BMP1: variants seen among roughly 807,000 people sequenced by gnomAD.
BMP1 encodes mammalian tolloid protein.
Under a neutral mutation model 116.8 loss-of-function variants are expected in BMP1, and 63 were observed. The ratio of observed to expected loss-of-function variants is 0.54; its 90% confidence interval spans 0.44 to 0.67. The LOEUF is 0.67. Among genes scored for constraint, BMP1 ranks in the 30% least tolerant of loss-of-function variants. BMP1 has a pLI of 0.00. For synonymous variants in BMP1, 536 were observed against 533.4 expected, an observed-to-expected ratio of 1.00 and a Z score of -0.07; for missense variants, 1,183 against 1,358.9, an observed-to-expected ratio of 0.87 and a Z score of 2.04.
At chr8:22,195,420 T>G in intron 12 of BMP1, 42 bp from the exon 13 acceptor site, 7 of 1,568,472 alleles carry the variant, frequency 4.5e-6, no homozygotes, top group Non-Finnish European at 6.0e-6. Flanking sequence ...CTTCTTCCCT[T>G]GAATGCCTGG....
Position 22,194,695 on chromosome 8 carries a change from C to T in BMP1, c.1444-29C>T. ...GGGTGGGTCTCTGGCAGCCAGAGCC[C>T]CTTCCACTGATGAAGCCTCGACCCC... On this transcript the variant is annotated intron_variant, in intron 11 of 19. Coordinates refer to ENST00000306385, the MANE Select transcript of BMP1 (RefSeq NM_006129.5). This position sits in a 1 kb window ranked among gnomAD's most constrained non-coding sequence, Gnocchi z 4.5. 1 of 1,593,074 alleles carries T rather than the reference C, an allele frequency of 6.3e-7. No homozygotes were observed. The highest frequency in any genetic ancestry group is 8.6e-7 in the Non-Finnish European group (1 of 1,168,128).
intron 16 of BMP1, among the ~76,000 whole-genome samples, chr8:22,205,744 C>T: frequency 6.6e-6 from 1 of 152,174 alleles, no homozygotes; most frequent in East Asian, 1.9e-4. Context: ...TACTGTACTC[C>T]AGCCTGGGTA....
Position 22,192,008 on chromosome 8 carries a change from G to C in BMP1, c.1078-41G>C, listed in dbSNP as rs759563496. The C allele has an allele frequency of 9.0e-6, 14 of 1,553,516 alleles. No homozygotes were observed. In the South Asian group the frequency reaches 1.5e-4, roughly 16 times the overall value. On this transcript the variant is annotated intron_variant, in intron 8 of 19. Transcript: ENST00000306385. ...GGGGCTGGCAGAGGGCTGGTGCAAT[G>C]TTCGGGACAGCTTAACCCTCTTCCT...
intron 15 of BMP1, chr8:22,201,225 C>A (rs1472624792): frequency 2.5e-6 from 4 of 1,603,446 alleles, no homozygotes; most frequent in Non-Finnish European, 3.4e-6. Context: ...CCTCCCGGAC[C>A]CCTTGTTACT....
intron 1 of BMP1, among the ~76,000 whole-genome samples, chr8:22,172,445 C>T (rs1828307308): frequency 6.6e-6 from 1 of 151,908 alleles, no homozygotes; most frequent in South Asian, 2.1e-4. Context: ...GGGAGGCTCT[C>T]TTCCCCTCTG....
chr8:22,172,546 T>C (rs1828309906), intron 1 of BMP1, among the ~76,000 whole-genome samples: 1 of 151,704 alleles, frequency 6.6e-6, no homozygotes. Context: ...TCCCAGAAGG[T>C]ATCTTCGTTT....
At chr8:22,169,434 T>A (rs1293585453) in intron 1 of BMP1, 4 of 152,312 alleles carry the variant, frequency 2.6e-5, no homozygotes, top group Non-Finnish European at 4.4e-5. Flanking sequence ...TGCAGTTATG[T>A]GTGTGTTTGA....
chr8:22,181,111 G>A (rs1367431184), intron 8 of BMP1, among the ~76,000 whole-genome samples: 2 of 152,204 alleles, frequency 1.3e-5, no homozygotes, highest in African/African-American at 4.8e-5. Context: ...CTCAGGCCAG[G>A]ACCCTCCAGT....
At chr8:22,196,876 G>A (rs766591758) in intron 14 of BMP1, 36 bp downstream of exon 14, 6 of 1,587,978 alleles carry the variant, frequency 3.8e-6, no homozygotes, top group South Asian at 1.2e-5. Flanking sequence ...GGGGCAGGAA[G>A]CTGTGAGGCG....
At position 22,211,849 on chromosome 8, in the gene BMP1, C is replaced by A; in HGVS notation, c.*121C>A. 2 of 1,474,886 alleles carry A rather than the reference C, an allele frequency of 1.4e-6. No individual in the cohort carries two copies. Among genetic ancestry groups the A allele is most frequent in the Non-Finnish European group, 1.9e-6 (2 of 1,080,270 alleles). The allele number at this position is 1,474,886 out of a possible 1,614,324, so 91.4% of individuals were successfully genotyped here. On this transcript the variant is annotated 3_prime_UTR_variant, in exon 20 of 20. Transcript: ENST00000306385. Reference sequence around the variant, plus strand: ...CCCCCAGGCCCCAGGACCTGCAGGGCCAATGGCCTGGTGAGACTGTCCATA... The same window carrying A: ...CCCCCAGGCCCCAGGACCTGCAGGGACAATGGCCTGGTGAGACTGTCCATA...
intron 16 of BMP1, among the ~76,000 whole-genome samples, chr8:22,205,256 A>G (rs1380153413): frequency 6.6e-6 from 1 of 152,098 alleles, no homozygotes; most frequent in Non-Finnish European, 1.5e-5. Context: ...TGAGAGATGG[A>G]GCTGGTAAAG....
intron 19 of BMP1, among the ~76,000 whole-genome samples, chr8:22,211,051 AGGC>A (rs1282405937): frequency 6.6e-6 from 1 of 152,142 alleles, no homozygotes; most frequent in East Asian, 1.9e-4. Context: ...GCCAGAGGAG[AGGC>A]GGGGCAAGGG....
chr8:22,196,655 G>C, intron 13 of BMP1, 25 bp from the exon 14 acceptor site: 1 of 1,613,394 alleles, frequency 6.2e-7, no homozygotes, highest in Non-Finnish European at 8.5e-7. Context: ...CCCCGCAGAC[G>C]ATGCCACCTT....
At chr8:22,182,233 A>T (rs559382648) in intron 8 of BMP1, among the ~76,000 whole-genome samples, 2 of 152,356 alleles carry the variant, frequency 1.3e-5, no homozygotes, top group South Asian at 4.1e-4. Flanking sequence ...ACCATCCATC[A>T]GGTAGCCCTC....
At chr8:22,201,227 C>CTT (rs753269006) in intron 15 of BMP1, 4 of 1,603,192 alleles carry the variant, frequency 2.5e-6, no homozygotes, top group Admixed American at 1.8e-5. Flanking sequence ...TCCCGGACCC[C>CTT]TTGTTACTCA....
intron 6 of BMP1, among the ~76,000 whole-genome samples, chr8:22,178,922 A>T (rs1828532077): frequency 6.6e-6 from 1 of 152,014 alleles, no homozygotes; most frequent in Non-Finnish European, 1.5e-5. Context: ...CTGCCTGCAG[A>T]CCTGCAGGAA....
chr8:22,202,313 T>A (rs1371517644), intron 16 of BMP1, among the ~76,000 whole-genome samples: 1 of 152,248 alleles, frequency 6.6e-6, no homozygotes, highest in African/African-American at 2.4e-5. Context: ...CTTCACTAGC[T>A]GTGTGCCTTT....
intron 8 of BMP1, among the ~76,000 whole-genome samples, chr8:22,183,846 G>A (rs951345440): frequency 3.3e-5 from 5 of 152,148 alleles, no homozygotes; most frequent in African/African-American, 1.2e-4. Context: ...AGAGTGCTGG[G>A]ATTACAGACG....
intron 15 of BMP1, chr8:22,201,076 C>A: frequency 1.9e-6 from 3 of 1,583,170 alleles, no homozygotes; most frequent in South Asian, 2.2e-5. Context: ...GCCCTCCACC[C>A]CCACCCCTTG....
Sources: allele counts gnomAD v4.1 joint callset (sites outside exome capture counted in the v4.1 genomes callset), GRCh38; gene constraint gnomAD v4.1.1; non-coding constraint Gnocchi (gnomAD v3.1); transcripts MANE v1.5; gene names NCBI Gene and HGNC (gene_info 2026-07-23, HGNC 2026-07-21).